Variants in TCTN3 observed in about 807,000 individuals in gnomAD.
TCTN3 encodes tectonic-3.
A neutral mutation model predicts 71.3 loss-of-function variants in TCTN3; 57 were observed. The observed-to-expected ratio is 0.80, with a 90% CI of 0.65 to 1.00. The LOEUF (loss-of-function observed/expected upper bound fraction) is 1.00. TCTN3 is among the 50% of genes least tolerant of loss of function. The probability of loss-of-function intolerance (pLI) is 0.00; values close to 1 mark genes in which losing one functional copy is unlikely to be tolerated. For synonymous variants in TCTN3, 258 were observed against 267.8 expected, an observed-to-expected ratio of 0.96 and a Z score of 0.36; for missense variants, 696 against 719.9, an observed-to-expected ratio of 0.97 and a Z score of 0.38.
intron 13 of TCTN3, among the ~76,000 whole-genome samples, chr10:95,679,725 A>G (rs1003440229): frequency 4.0e-5 from 6 of 149,578 alleles, no homozygotes; most frequent in Non-Finnish European, 7.5e-5. Context: ...CCAAGTAGCT[A>G]GGACTACAGG....
At chr10:95,681,954 G>A (rs574673511) in intron 12 of TCTN3, among the ~76,000 whole-genome samples, 5 of 152,256 alleles carry the variant, frequency 3.3e-5, no homozygotes, top group Non-Finnish European at 7.4e-5. Flanking sequence ...CAGCACTTTG[G>A]GAGGCCAAGG....
chr10:95,674,231 T>C (rs2097934436), intron 13 of TCTN3, among the ~76,000 whole-genome samples: 1 of 152,204 alleles, frequency 6.6e-6, no homozygotes, highest in African/African-American at 2.4e-5. Flanking sequence ...TAATGTTTTA[T>C]AGTGAAGAGG....
chr10:95,670,819 T>C (rs1407368147), intron 13 of TCTN3, among the ~76,000 whole-genome samples: 1 of 151,940 alleles, frequency 6.6e-6, no homozygotes, highest in African/African-American at 2.4e-5. Flanking sequence ...CATGCCACCA[T>C]GCCCAGCTAA....
intron 12 of TCTN3, among the ~76,000 whole-genome samples, chr10:95,681,107 G>C (rs556714207): frequency 2.0e-5 from 3 of 148,636 alleles, no homozygotes; most frequent in Non-Finnish European, 4.4e-5. Context: ...ATGGAGTCTC[G>C]CTCTGTTGCC....
chr10:95,683,786 C>T (rs1004697179), intron 9 of TCTN3, among the ~76,000 whole-genome samples, 157 bp from the exon 10 acceptor site: 1 of 152,132 alleles, frequency 6.6e-6, no homozygotes, highest in Non-Finnish European at 1.5e-5. Context: ...CATTTTGCTT[C>T]TTTCACTTTT....
At chr10:95,689,324 T>C (rs1207814937) in intron 3 of TCTN3, among the ~76,000 whole-genome samples, 2 of 152,196 alleles carry the variant, frequency 1.3e-5, no homozygotes, top group African/African-American at 4.8e-5. Context: ...CATATTAGAA[T>C]TTGAAAAGCA....
rs766904941 is a variant in TCTN3 at position 95,683,402 on chromosome 10, A to C, written c.1203+120T>G. On this transcript the variant is annotated intron_variant, in intron 10 of 13. Transcript: ENST00000371217. ...AATGATTAACCATATATTAGTATAT[A>C]AGTACCTCATTATAATGAACAAAAA... 3 of 1,560,214 alleles carry C rather than the reference A, an allele frequency of 1.9e-6. No individual in the cohort carries two copies. The East Asian group carries it at 7.2e-5, about 37-fold the overall frequency.
intron 13 of TCTN3, among the ~76,000 whole-genome samples, chr10:95,678,692 G>T (rs555804960): frequency 6.6e-6 from 1 of 152,140 alleles, no homozygotes; most frequent in South Asian, 2.1e-4. Flanking sequence ...CAAGATTGAA[G>T]AAGTAAAAAA....
chr10:95,683,037 CA>C, intron 11 of TCTN3, 63 bp downstream of exon 11: 1 of 1,448,410 alleles, frequency 6.9e-7, no homozygotes, highest in Non-Finnish European at 9.6e-7. Context: ...TAAAAGTTAC[CA>C]TATCAACATA....
At chr10:95,685,024 G>C (rs181111257) in intron 8 of TCTN3, among the ~76,000 whole-genome samples, 1 of 152,326 alleles carries the variant, frequency 6.6e-6, no homozygotes, top group East Asian at 1.9e-4. Flanking sequence ...GCAGGCAATT[G>C]AAAGTAACCT....
intron 13 of TCTN3, among the ~76,000 whole-genome samples, chr10:95,668,447 G>A (rs2097927772): frequency 6.6e-6 from 1 of 151,996 alleles, no homozygotes; most frequent in South Asian, 2.1e-4. Flanking sequence ...TCTTAAAATG[G>A]CTTCTGAACA....
At chr10:95,686,912 C>A in intron 6 of TCTN3, 132 bp downstream of exon 6, 1 of 713,424 alleles carries the variant, frequency 1.4e-6, no homozygotes. Flanking sequence ...GGTTTCCAGG[C>A]CCTCTGTCTT....
At chr10:95,692,381 C>T (rs1359062237) in intron 3 of TCTN3, among the ~76,000 whole-genome samples, 1 of 151,978 alleles carries the variant, frequency 6.6e-6, no homozygotes, top group Non-Finnish European at 1.5e-5. Context: ...TGGCACACAC[C>T]CATAGTCCCA....
At chr10:95,693,527 C>A in intron 1 of TCTN3, 51 bp from the exon 2 acceptor site, 1 of 1,551,090 alleles carries the variant, frequency 6.4e-7, no homozygotes, top group South Asian at 1.2e-5. Flanking sequence ...CAAACTCTCC[C>A]AGGTGCTCAC....
intron 13 of TCTN3, among the ~76,000 whole-genome samples, chr10:95,674,585 TC>T (rs776522284): frequency 2.6e-5 from 4 of 152,164 alleles, no homozygotes; most frequent in Non-Finnish European, 4.4e-5. Context: ...AACATTTTTT[TC>T]CTATCTAAAA....
chr10:95,692,858 G>T, intron 3 of TCTN3, 62 bp downstream of exon 3: 1 of 1,255,326 alleles, frequency 8.0e-7, no homozygotes, highest in Non-Finnish European at 1.2e-6. Flanking sequence ...TGTGGGCCAG[G>T]GAAGACAAAA....
In TCTN3 at chr10:95,681,599, C is replaced by T. The variant is rs550428351; in HGVS notation, c.1453-990G>A. Among the ~76,000 whole-genome samples the T allele has an allele frequency of 3.9e-5, 6 of 152,250 alleles. No individual in the cohort carries two copies. In the East Asian group the frequency reaches 9.7e-4, roughly 24 times the overall value. Reference sequence around the variant, plus strand: ...TTTCCAGAATAGAAATATGGTATACCTAATGCAGTACTCCAGGAGGATTAA... The same window carrying T: ...TTTCCAGAATAGAAATATGGTATACTTAATGCAGTACTCCAGGAGGATTAA... On this transcript the variant is annotated intron_variant, in intron 12 of 13. Transcript: ENST00000371217.
chr10:95,677,779 G>A lies in TCTN3; in HGVS notation c.1590+2693C>T, dbSNP rs1324695986. On this transcript the variant is annotated intron_variant, in intron 13 of 13. Transcript: ENST00000371217. The stretch of plus-strand genomic sequence containing the variant: ...TTAGGTTGTATGAATGCAGAACAGG[G>A]TAGAGTACTCTTTCTAAAAGTGGAT... Among the ~76,000 whole-genome samples, 2 of 152,042 alleles carry A rather than the reference G, an allele frequency of 1.3e-5. 1 individual carries two copies. The highest frequency in any genetic ancestry group is 4.8e-5 in the African/African-American group (2 of 41,396).
chr10:95,664,495 G>A (rs1165084224), intron 13 of TCTN3, among the ~76,000 whole-genome samples, 195 bp from the exon 14 acceptor site: 2 of 152,216 alleles, frequency 1.3e-5, no homozygotes, highest in Non-Finnish European at 2.9e-5. Context: ...AATAGTCAAT[G>A]ATAGCAGAAC....
Sources: allele counts gnomAD v4.1 joint callset (sites outside exome capture counted in the v4.1 genomes callset), GRCh38; gene constraint gnomAD v4.1.1; transcripts MANE v1.5; gene names NCBI Gene and HGNC (gene_info 2026-07-23, HGNC 2026-07-21).